Variants in KYAT1 observed in about 807,000 individuals in gnomAD.
KYAT1 encodes the protein kynurenine--oxoglutarate transaminase 1.
In KYAT1, 47 loss-of-function variants were observed where a neutral mutation model predicts 52.4. That is an observed-to-expected ratio of 0.90 (90% confidence interval 0.71 to 1.14). The LOEUF is 1.14. Ranked by LOEUF, KYAT1 falls within the 50% of genes most tolerant of loss-of-function variation. The pLI, the probability that KYAT1 is intolerant of heterozygous loss-of-function variation, is 0.00. For synonymous variants in KYAT1, 212 were observed against 209.6 expected (o/e 1.01, Z -0.10); for missense variants, 480 against 557.9 (o/e 0.86, Z 1.41).
chr9:128,877,605 C>A (rs931441375), intron 1 of KYAT1, among the ~76,000 whole-genome samples: 4 of 152,216 alleles, frequency 2.6e-5, no homozygotes, highest in African/African-American at 9.6e-5. Context: ...CCCTTGGGGA[C>A]AGGAGCCATG....
At chr9:128,867,634 T>C (rs959494531) in intron 1 of KYAT1, among the ~76,000 whole-genome samples, 1 of 152,208 alleles carries the variant, frequency 6.6e-6, no homozygotes, top group African/African-American at 2.4e-5. Context: ...AATATCACTG[T>C]ATCACTGCGT....
intron 1 of KYAT1, among the ~76,000 whole-genome samples, chr9:128,861,999 A>T (rs1261916460): frequency 6.6e-6 from 1 of 152,182 alleles, no homozygotes; most frequent in East Asian, 1.9e-4. Context: ...ACCGGGACCC[A>T]CTCTACTGCT....
intron 1 of KYAT1, among the ~76,000 whole-genome samples, chr9:128,855,901 T>C (rs1452768761): frequency 6.6e-6 from 1 of 152,230 alleles, no homozygotes; most frequent in Non-Finnish European, 1.5e-5. Flanking sequence ...ACAAAATATA[T>C]AAATAATTGG....
chr9:128,838,461 G>C, intron 3 of KYAT1, 94 bp from the exon 4 acceptor site: 1 of 1,474,790 alleles, frequency 6.8e-7, no homozygotes, highest in South Asian at 1.2e-5. Flanking sequence ...TCCAGCAGCA[G>C]GCCTGGGGGC....
intron 1 of KYAT1, chr9:128,847,732 T>C (rs766061862): frequency 3.9e-6 from 2 of 519,402 alleles, no homozygotes; most frequent in Non-Finnish European, 6.8e-6. Flanking sequence ...GTTGCATGAT[T>C]ATCCGACTCC....
intron 1 of KYAT1, among the ~76,000 whole-genome samples, chr9:128,879,411 G>C (rs1295767460): frequency 6.6e-6 from 1 of 152,140 alleles, no homozygotes; most frequent in African/African-American, 2.4e-5. Context: ...CTGCCTCATG[G>C]CTGTGAAGGC....
intron 1 of KYAT1, among the ~76,000 whole-genome samples, chr9:128,872,017 T>C (rs1837299603): frequency 6.6e-6 from 1 of 150,722 alleles, no homozygotes; most frequent in Non-Finnish European, 1.5e-5. Flanking sequence ...TAGTCCCAGC[T>C]ACTCCGGAGG....
chr9:128,871,108 G>T (rs938741317), intron 1 of KYAT1, among the ~76,000 whole-genome samples: 2 of 152,100 alleles, frequency 1.3e-5, no homozygotes, highest in Non-Finnish European at 2.9e-5. Context: ...CTTGAGCTCA[G>T]GAGTTCGAGA....
At chr9:128,852,288 C>A (rs968638864) in intron 1 of KYAT1, among the ~76,000 whole-genome samples, 6 of 152,146 alleles carry the variant, frequency 3.9e-5, no homozygotes, top group Admixed American at 2.0e-4. Flanking sequence ...TGGCCATGAT[C>A]CCCAAAGACT....
At position 128,833,916 on chromosome 9, in the gene KYAT1, C is replaced by T. The variant is rs142839222; in HGVS notation, c.1123-90G>A. The T allele has an allele frequency of 3.2e-4, 320 of 1,007,208 alleles. No homozygotes were observed. The African/African-American group carries it at 4.8e-3, about 15-fold the overall frequency. 62.4% of individuals were successfully genotyped at this position (1,007,208 alleles called of 1,614,324 possible). ...GGACAGAGAGGTTCCCACGACCAGG[C>T]GGGGAAGGAGAGTTAGCTCCAATCC... On this transcript the variant is annotated intron_variant, in intron 11 of 12. Transcript: ENST00000302586.
chr9:128,841,453 G>A (rs1000825894), intron 3 of KYAT1, among the ~76,000 whole-genome samples: 30 of 152,126 alleles, frequency 2.0e-4, no homozygotes, highest in African/African-American at 5.8e-4. Context: ...AGGCGGAGGC[G>A]GAGGTTGCAG....
At chr9:128,871,457 A>G (rs1327752598) in intron 1 of KYAT1, among the ~76,000 whole-genome samples, 1 of 152,106 alleles carries the variant, frequency 6.6e-6, no homozygotes, top group Non-Finnish European at 1.5e-5. Flanking sequence ...CACACCTGTA[A>G]TATCAGCACT....
chr9:128,850,471 A>G (rs951315619), intron 1 of KYAT1, among the ~76,000 whole-genome samples: 7 of 152,166 alleles, frequency 4.6e-5, no homozygotes, highest in African/African-American at 1.7e-4. Context: ...CAAAATGTTT[A>G]CAAGCAGTAT....
intron 1 of KYAT1, among the ~76,000 whole-genome samples, chr9:128,868,703 A>ATTT (rs1202846765): frequency 3.0e-5 from 4 of 131,976 alleles, no homozygotes; most frequent in Admixed American, 7.7e-5. Context: ...TGCCTGGCTA[A>ATTT]TTTTTTTTTT....
At chr9:128,861,589 A>G (rs763759574) in intron 1 of KYAT1, among the ~76,000 whole-genome samples, 7 of 152,166 alleles carry the variant, frequency 4.6e-5, no homozygotes, top group Non-Finnish European at 1.0e-4. Context: ...CGTTCCTTAG[A>G]TTTGAGAGCG....
At chr9:128,877,719 T>C (rs189357954) in intron 1 of KYAT1, among the ~76,000 whole-genome samples, 181 of 152,262 alleles carry the variant, frequency 1.2e-3, no homozygotes, top group Middle Eastern at 6.8e-3. Flanking sequence ...ATTATGACAT[T>C]CGGTTTTGGA....
chr9:128,865,844 C>T (rs1474384202), intron 1 of KYAT1, among the ~76,000 whole-genome samples: 1 of 152,102 alleles, frequency 6.6e-6, no homozygotes, highest in Non-Finnish European at 1.5e-5. Context: ...ACCAGGTTAG[C>T]GAAGTCCCAG....
rs1415877105 is a variant in KYAT1, at chr9:128,836,936, A to G, written c.568-14T>C. The G allele has an allele frequency of 1.2e-6, 2 of 1,608,880 alleles. No homozygotes were observed. Among genetic ancestry groups the G allele is most frequent in the East Asian group, 2.2e-5 (1 of 44,872 alleles). On this transcript the variant is annotated splice_polypyrimidine_tract_variant and intron_variant, in intron 6 of 12. Transcript: ENST00000302586. The stretch of plus-strand genomic sequence containing the variant: ...CCTGGAGAACACCTGCAGATGCCCA[A>G]GGAGAGCACAGACCTGCAGCTGGGA...
chr9:128,852,816 T>C (rs1834114085), intron 1 of KYAT1, among the ~76,000 whole-genome samples: 1 of 152,264 alleles, frequency 6.6e-6, no homozygotes, highest in Non-Finnish European at 1.5e-5. Flanking sequence ...AAATTTGTTT[T>C]CTATCTTGAG....
Sources: gnomAD v4.1 joint callset for allele counts (sites outside exome capture counted in the v4.1 genomes callset) on GRCh38, gnomAD v4.1.1 for gene constraint, MANE v1.5 for transcripts, NCBI Gene and HGNC (gene_info 2026-07-23, HGNC 2026-07-21) for gene names.